The following PCCA variants were observed in gnomAD, a reference collection of about 807,000 sequenced individuals.
PCCA encodes the protein propionyl-CoA carboxylase subunit alpha.
In PCCA, 74 loss-of-function variants were observed where a neutral mutation model predicts 101.3. That is an observed-to-expected ratio of 0.73 (90% CI 0.61 to 0.89). The LOEUF (loss-of-function observed/expected upper bound fraction) is 0.89, where lower values mean the gene tolerates loss of function less well. Ranked by LOEUF, PCCA falls within the 40% of genes least tolerant of loss-of-function variation. The pLI, the probability that PCCA is intolerant of heterozygous loss-of-function variation, is 0.00. For synonymous variants in PCCA, 294 were observed against 313.6 expected (o/e 0.94, Z 0.66); for missense variants, 891 against 907.0 (o/e 0.98, Z 0.23).
intron 8 of PCCA, among the ~76,000 whole-genome samples, chr13:100,256,151 C>T (rs558374199): frequency 2.0e-4 from 31 of 152,180 alleles, no homozygotes; most frequent in African/African-American, 4.8e-4. Context: ...GGACTACAGA[C>T]GCACACCACC....
intron 4 of PCCA, among the ~76,000 whole-genome samples, chr13:100,140,176 A>T (rs556773089): frequency 4.6e-5 from 7 of 152,250 alleles, no homozygotes; most frequent in Middle Eastern, 3.4e-3. Context: ...TTACTTAGAA[A>T]TCTGAGGTTT....
intron 19 of PCCA, among the ~76,000 whole-genome samples, chr13:100,376,849 G>A (rs551445487): frequency 2.0e-5 from 3 of 152,134 alleles, no homozygotes; most frequent in African/African-American, 7.2e-5. Context: ...CACCACTGGG[G>A]TATGAAAAAA....
intron 21 of PCCA, among the ~76,000 whole-genome samples, chr13:100,492,257 C>T (rs565103144): frequency 6.6e-6 from 1 of 152,192 alleles, no homozygotes; most frequent in African/African-American, 2.4e-5. Flanking sequence ...GCCCCTGCCT[C>T]CCGAGTAGCT....
intron 4 of PCCA, among the ~76,000 whole-genome samples, chr13:100,114,127 A>G (rs953841626): frequency 6.6e-6 from 1 of 152,166 alleles, no homozygotes; most frequent in Non-Finnish European, 1.5e-5. Context: ...CAAGTTAGAA[A>G]GCTTCTACAC....
At chr13:100,369,404 C>G (rs950869614) in intron 19 of PCCA, among the ~76,000 whole-genome samples, 1 of 151,984 alleles carries the variant, frequency 6.6e-6, no homozygotes, top group African/African-American at 2.4e-5. Flanking sequence ...CAAATAAGAC[C>G]TGGTGTGGCT....
At position 100,236,286 on chromosome 13, in the gene PCCA, T is replaced by C. The variant is rs926179804; in HGVS notation, c.637+408T>C. ...AAGTTTTTGCCTTTTGCTAAGATGT[T>C]AGGTATCAACTTAATCTTGTTAGAT... is the stretch of plus-strand genomic sequence containing the variant. On this transcript the variant is annotated intron_variant, in intron 8 of 23. Transcript: ENST00000376285. Among the ~76,000 whole-genome samples, 5 of 152,182 alleles carry C rather than the reference T, an allele frequency of 3.3e-5. No individual in the cohort carries two copies. The East Asian group carries it at 9.6e-4, about 29-fold the overall frequency.
At chr13:100,293,530 G>T (rs576648310) in intron 12 of PCCA, among the ~76,000 whole-genome samples, 1 of 152,044 alleles carries the variant, frequency 6.6e-6, no homozygotes, top group Non-Finnish European at 1.5e-5. Context: ...AAAATATTTT[G>T]GTCTTTTATG....
chr13:100,524,056 C>A (rs767576797), intron 22 of PCCA, among the ~76,000 whole-genome samples: 74 of 152,328 alleles, frequency 4.9e-4, no homozygotes, highest in Non-Finnish European at 7.9e-4. Flanking sequence ...TGCCCAGCTC[C>A]CTGGTGTACC....
intron 1 of PCCA, among the ~76,000 whole-genome samples, chr13:100,091,272 T>TA (rs1278544394): frequency 6.6e-6 from 1 of 152,222 alleles, no homozygotes; most frequent in Non-Finnish European, 1.5e-5. Flanking sequence ...TTACTGTACT[T>TA]ACTGTTGTAC....
intron 6 of PCCA, among the ~76,000 whole-genome samples, chr13:100,173,922 C>T (rs2055974781): frequency 6.6e-6 from 1 of 152,350 alleles, no homozygotes; most frequent in East Asian, 1.9e-4. Flanking sequence ...CATGCCTTTA[C>T]TCCGCCTTCA....
chr13:100,266,611 C>T (rs2062952485), intron 10 of PCCA, among the ~76,000 whole-genome samples: 1 of 152,178 alleles, frequency 6.6e-6, no homozygotes, highest in Non-Finnish European at 1.5e-5. Flanking sequence ...TGTTTCTTGG[C>T]TATTCCTCCA....
At chr13:100,425,761 C>G (rs773244881) in intron 20 of PCCA, 30 bp downstream of exon 20, 3 of 1,413,630 alleles carry the variant, frequency 2.1e-6, no homozygotes, top group Non-Finnish European at 3.0e-6. Context: ...CCTTAGAGGG[C>G]CTCCTCAAGT....
intron 7 of PCCA, among the ~76,000 whole-genome samples, chr13:100,224,387 G>T (rs147782492): frequency 6.6e-6 from 1 of 152,376 alleles, no homozygotes; most frequent in South Asian, 2.1e-4. Flanking sequence ...ACTCCAGCTG[G>T]CCCGCAAGCG....
intron 12 of PCCA, among the ~76,000 whole-genome samples, chr13:100,277,541 G>A (rs1268674616): frequency 1.3e-5 from 2 of 152,066 alleles, no homozygotes; most frequent in African/African-American, 2.4e-5. Flanking sequence ...GGCTTTAGAG[G>A]TACATTATGC....
At chr13:100,482,856 C>T (rs2084059935) in intron 21 of PCCA, among the ~76,000 whole-genome samples, 1 of 152,158 alleles carries the variant, frequency 6.6e-6, no homozygotes, top group Admixed American at 6.5e-5. Context: ...ACAAAATTTT[C>T]TATTTCAAAA....
chr13:100,141,406 T>C (rs879522053), intron 4 of PCCA, among the ~76,000 whole-genome samples: 4 of 152,168 alleles, frequency 2.6e-5, no homozygotes, highest in Non-Finnish European at 5.9e-5. Context: ...TACATTTATT[T>C]ATTTATGTAT....
intron 6 of PCCA, among the ~76,000 whole-genome samples, chr13:100,169,356 G>C (rs1181028870): frequency 6.6e-6 from 1 of 150,478 alleles, no homozygotes; most frequent in African/African-American, 2.4e-5. Context: ...TAGGAGAATC[G>C]CTGGAACCCA....
At chr13:100,207,048 G>A (rs896400082) in intron 6 of PCCA, among the ~76,000 whole-genome samples, 2 of 152,108 alleles carry the variant, frequency 1.3e-5, no homozygotes, top group East Asian at 1.9e-4. Context: ...TGCAGGCTCC[G>A]GTGTCACGTA....
At chr13:100,199,189 T>G (rs1336899568) in intron 6 of PCCA, among the ~76,000 whole-genome samples, 1 of 151,686 alleles carries the variant, frequency 6.6e-6, no homozygotes, top group Non-Finnish European at 1.5e-5. Context: ...CAGACGCAGA[T>G]GTTTACCCTG....
Sources: allele counts gnomAD v4.1 joint callset (sites outside exome capture counted in the v4.1 genomes callset), GRCh38; gene constraint gnomAD v4.1.1; transcripts MANE v1.5; gene names NCBI Gene and HGNC (gene_info 2026-07-23, HGNC 2026-07-21).